CDRT4: variants seen among roughly 807,000 people sequenced by gnomAD.
CDRT4 encodes the protein CMT1A duplicated region transcript 4 protein.
For missense variants in CDRT4, 167 were observed against 193.1 expected (o/e 0.87, Z 0.80); for synonymous variants, 64 against 69.6 (o/e 0.92, Z 0.40).
At chr17:15,444,017 T>C in intron 2 of CDRT4, 1 of 797,318 alleles carries the variant, frequency 1.3e-6, no homozygotes, top group Non-Finnish European at 2.1e-6. Flanking sequence ...TGAGACCAAG[T>C]GTTGCCTGTT....
chr17:15,447,159 C>G (rs1434729451), intron 2 of CDRT4, among the ~76,000 whole-genome samples: 1 of 152,170 alleles, frequency 6.6e-6, no homozygotes, highest in African/African-American at 2.4e-5. Context: ...AAGCAGAGGC[C>G]TCCCAGTACA....
rs1022753017 is a variant in CDRT4, at chr17:15,459,429, CTTTT to C, written c.-129-6348_-129-6345del. On this transcript the variant is annotated intron_variant, in intron 1 of 3. Coordinates refer to ENST00000619038, the MANE Select transcript of CDRT4 (RefSeq NM_001204477.2). ...CCAGGCTTCTCTATTGAGTTGATTT[CTTTT>C]TTTTTCTTTTTTTTTTTTTTTTTTT... Among the ~76,000 whole-genome samples, 4 of 131,594 alleles carry C rather than the reference CTTTT, an allele frequency of 3.0e-5. No homozygotes were observed. In the East Asian group the frequency reaches 6.9e-4, roughly 23 times the overall value. The allele number at this position is 131,594 out of a possible 152,430, so 86.3% of individuals were successfully genotyped here. A position where few individuals can be genotyped will look rare whatever the true frequency, so the allele number is the denominator to read the frequency against.
At chr17:15,460,995 C>G (rs1979722885) in intron 1 of CDRT4, among the ~76,000 whole-genome samples, 1 of 152,180 alleles carries the variant, frequency 6.6e-6, no homozygotes, top group African/African-American at 2.4e-5. Context: ...TTTTACATAG[C>G]TGGTGTTTGA....
At chr17:15,445,760 A>G (rs1337005049) in intron 2 of CDRT4, among the ~76,000 whole-genome samples, 2 of 152,048 alleles carry the variant, frequency 1.3e-5, no homozygotes, top group Non-Finnish European at 2.9e-5. Flanking sequence ...ACCTGTGTTC[A>G]CTCTGTTCAG....
rs755542741 is a variant in CDRT4, at chr17:15,464,220, G to C, written c.-130+3240C>G. ...GGGGATAGGGCCAGGGATGGGGATG[G>C]AGATGCCAATGGGTAGATGTGGAGA... is the stretch of plus-strand genomic sequence containing the variant. On this transcript the variant is annotated intron_variant, in intron 1 of 3. Transcript: ENST00000619038. This position sits in a 1 kb window ranked among gnomAD's most constrained non-coding sequence, Gnocchi z 4.5. Among the ~76,000 whole-genome samples the C allele has an allele frequency of 3.3e-5, 5 of 152,140 alleles. No homozygotes were observed. The highest frequency in any genetic ancestry group is 7.3e-5 in the Non-Finnish European group (5 of 68,030).
intron 3 of CDRT4, among the ~76,000 whole-genome samples, chr17:15,439,454 T>C (rs1184676398): frequency 6.6e-6 from 1 of 152,168 alleles, no homozygotes; most frequent in Admixed American, 6.5e-5. Flanking sequence ...TACCTCTCAC[T>C]AGAAACTTCC....
intron 1 of CDRT4, among the ~76,000 whole-genome samples, chr17:15,455,757 G>A (rs564691895): frequency 1.3e-5 from 2 of 152,194 alleles, no homozygotes; most frequent in Non-Finnish European, 2.9e-5. Flanking sequence ...AGCCTGTGAG[G>A]AGCTTAATCT....
Position 15,437,753 on chromosome 17 carries a change from T to G in CDRT4, c.*20A>C. ...TGCAGGGACCCCTGGCTAAAACATT[T>G]GCATGTTTCTCCTTGTTGGTCAGTA... On this transcript the variant is annotated 3_prime_UTR_variant, in exon 4 of 4. Coordinates refer to ENST00000619038, the MANE Select transcript of CDRT4 (RefSeq NM_001204477.2). 6.2e-7 allele frequency: 1 copy of G among 1,606,718 alleles called. No homozygotes were observed. The highest frequency in any genetic ancestry group is 8.5e-7 in the Non-Finnish European group (1 of 1,174,090).
intron 2 of CDRT4, among the ~76,000 whole-genome samples, chr17:15,442,423 A>T (rs1475378448): frequency 6.6e-6 from 1 of 152,068 alleles, no homozygotes; most frequent in Non-Finnish European, 1.5e-5. Context: ...GAAAAAAAAA[A>T]AAAAGAAAGA....
intron 1 of CDRT4, among the ~76,000 whole-genome samples, chr17:15,459,450 T>C (rs1034302549): frequency 2.9e-4 from 41 of 143,482 alleles, no homozygotes; most frequent in East Asian, 1.2e-3. Context: ...TTTTTTTTTT[T>C]TTTTTTTTTT....
intron 1 of CDRT4, among the ~76,000 whole-genome samples, chr17:15,463,803 T>C (rs904250559): frequency 2.4e-4 from 36 of 152,042 alleles, no homozygotes; most frequent in Admixed American, 9.2e-4. Flanking sequence ...TCATCAGAGA[T>C]GTGGGTGGCC....
chr17:15,459,429 C>CA (rs1555538921), intron 1 of CDRT4, among the ~76,000 whole-genome samples: 1 of 131,588 alleles, frequency 7.6e-6, no homozygotes, highest in African/African-American at 3.0e-5. Context: ...GAGTTGATTT[C>CA]TTTTTTTTTC....
At chr17:15,443,075 C>T (rs1159572454) in intron 2 of CDRT4, among the ~76,000 whole-genome samples, 1 of 152,110 alleles carries the variant, frequency 6.6e-6, no homozygotes, top group African/African-American at 2.4e-5. Context: ...GCTCCCCACT[C>T]CCCCGCTCAA....
At chr17:15,466,209 A>T (rs1980036487) in intron 1 of CDRT4, among the ~76,000 whole-genome samples, 1 of 152,150 alleles carries the variant, frequency 6.6e-6, no homozygotes, top group Non-Finnish European at 1.5e-5. Context: ...CCATGTTCTT[A>T]ACCTGCGTCA....
chr17:15,441,336 G>A, intron 2 of CDRT4, among the ~76,000 whole-genome samples: 1 of 152,162 alleles, frequency 6.6e-6, no homozygotes, highest in East Asian at 1.9e-4. Context: ...CAGACACCCA[G>A]GTCCCACCTT....
chr17:15,458,513 A>C (rs1395257391), intron 1 of CDRT4, among the ~76,000 whole-genome samples: 3 of 152,104 alleles, frequency 2.0e-5, no homozygotes, highest in Non-Finnish European at 4.4e-5. Context: ...CCTACTCAGT[A>C]GCGGGGCTGC....
chr17:15,461,035 C>G (rs915459865), intron 1 of CDRT4, among the ~76,000 whole-genome samples: 1 of 152,192 alleles, frequency 6.6e-6, no homozygotes, highest in Non-Finnish European at 1.5e-5. Context: ...ATGTTGCCTT[C>G]TCAGAAAGGC....
At chr17:15,465,005 C>T (rs1979934453) in intron 1 of CDRT4, among the ~76,000 whole-genome samples, 1 of 149,000 alleles carries the variant, frequency 6.7e-6, no homozygotes, top group African/African-American at 2.5e-5. Flanking sequence ...GCAATACAGA[C>T]ACACACAACA....
At chr17:15,455,026 CAAG>C (rs1325230882) in intron 1 of CDRT4, among the ~76,000 whole-genome samples, 1 of 151,958 alleles carries the variant, frequency 6.6e-6, no homozygotes, top group Non-Finnish European at 1.5e-5. Context: ...ATTCTGGAAA[CAAG>C]AAAACTAGAT....
Sources: allele counts gnomAD v4.1 joint callset (sites outside exome capture counted in the v4.1 genomes callset), GRCh38; gene constraint gnomAD v4.1.1; non-coding constraint Gnocchi (gnomAD v3.1); transcripts MANE v1.5; gene names NCBI Gene and HGNC (gene_info 2026-07-23, HGNC 2026-07-21).